The following CRB1 variants were observed in gnomAD, a reference collection of about 807,000 sequenced individuals.
The protein encoded by CRB1 is crumbs cell polarity complex component 1.
A neutral mutation model predicts 120.0 loss-of-function variants in CRB1; 83 were observed. The observed-to-expected ratio is 0.69, with a 90% CI of 0.58 to 0.83. The LOEUF is 0.83. CRB1 is among the 40% of genes least tolerant of loss of function. The pLI is 0.00. For synonymous variants in CRB1, 625 were observed against 612.5 expected (o/e 1.02, Z -0.30); for missense variants, 1,699 against 1,687.6 (o/e 1.01, Z -0.12).
chr1:197,434,839 A>G lies in CRB1; in HGVS notation c.2976A>G (p.Ala992=), dbSNP rs200379694. Residue 992 remains alanine (A), a synonymous_variant, in exon 9 of 12, where the codon GCA becomes GCG. Transcript: ENST00000367400. ...ATGCAAATGTAATAATATTGCATGC[A>G]GAAAAAGAGCCTGAATTTCTTAATA... ...TRDANVIILH[A]EKEPEFLNIS... 6.2e-4 allele frequency: 1,003 copies of G among 1,613,756 alleles called. 1 individual carries two copies. Among genetic ancestry groups the G allele is most frequent in the Non-Finnish European group, 8.1e-4 (961 of 1,179,816 alleles).
intron 5 of CRB1, chr1:197,357,811 A>G (rs886130168): frequency 1.3e-5 from 2 of 152,282 alleles, no homozygotes; most frequent in Admixed American, 6.5e-5. Context: ...TTCTCTTTCA[A>G]TGTTTCAGTT....
chr1:197,333,969 A>T (rs1373811311), intron 2 of CRB1, among the ~76,000 whole-genome samples: 2 of 152,256 alleles, frequency 1.3e-5, no homozygotes, highest in African/African-American at 4.8e-5. Context: ...CTGATATGAA[A>T]CAAATGCATT....
At chr1:197,413,658 A>C (rs903521147) in intron 5 of CRB1, among the ~76,000 whole-genome samples, 19 of 152,328 alleles carry the variant, frequency 1.2e-4, no homozygotes, top group Middle Eastern at 6.8e-3. Context: ...TGTTGTGATC[A>C]TAACATTCAC....
chr1:197,442,078 A>G (rs1391936935), intron 10 of CRB1, 88 bp from the exon 11 acceptor site: 1 of 1,524,618 alleles, frequency 6.6e-7, no homozygotes, highest in East Asian at 2.2e-5. Context: ...GTGCTGTTCC[A>G]GAGAGATAAG....
At chr1:197,317,616 C>T (rs984699456) in intron 1 of CRB1, among the ~76,000 whole-genome samples, 13 of 151,954 alleles carry the variant, frequency 8.6e-5, no homozygotes, top group African/African-American at 2.9e-4. Context: ...CTAGAGTAAC[C>T]AAAACAGCAT....
chr1:197,257,244 T>C, the CRB1 span, among the ~76,000 whole-genome samples: 1 of 152,134 alleles, frequency 6.6e-6, no homozygotes, highest in Non-Finnish European at 1.5e-5. Context: ...ATTGCCCTTC[T>C]TCCACCTTTT....
At chr1:197,433,471 A>C (rs1248834993) in intron 8 of CRB1, among the ~76,000 whole-genome samples, 1 of 152,156 alleles carries the variant, frequency 6.6e-6, no homozygotes, top group East Asian at 1.9e-4. Context: ...CATTGTAACC[A>C]TGAAAGTGGT....
the CRB1 span, among the ~76,000 whole-genome samples, chr1:197,219,950 C>A: frequency 6.6e-5 from 10 of 152,298 alleles, 1 homozygote; most frequent in Admixed American, 3.3e-4. Context: ...TTTAGGGAAG[C>A]TTTTGCTAAC....
intron 2 of CRB1, among the ~76,000 whole-genome samples, chr1:197,334,446 G>A (rs1345122937): frequency 6.6e-6 from 1 of 152,080 alleles, no homozygotes; most frequent in Non-Finnish European, 1.5e-5. Context: ...CCATGAGGAT[G>A]GAACCTTCAG....
upstream of CRB1, among the ~76,000 whole-genome samples, chr1:197,267,539 A>G (rs1321951924): frequency 6.6e-6 from 1 of 152,214 alleles, no homozygotes; most frequent in East Asian, 1.9e-4. Flanking sequence ...TAACAATGGA[A>G]AAAGGCTCTG....
chr1:197,442,590 A>G, intron 11 of CRB1: 2 of 1,346,514 alleles, frequency 1.5e-6, no homozygotes, highest in Non-Finnish European at 1.9e-6. Context: ...TGTATAAAAT[A>G]TTTTCCTATT....
chr1:197,250,896 A>C, the CRB1 span, among the ~76,000 whole-genome samples: 1 of 152,020 alleles, frequency 6.6e-6, no homozygotes. Flanking sequence ...GCTGCTTCTG[A>C]AAGTCATTAA....
At chr1:197,220,287 G>GT in the CRB1 span, among the ~76,000 whole-genome samples, 1 of 152,290 alleles carries the variant, frequency 6.6e-6, no homozygotes, top group Non-Finnish European at 1.5e-5. Context: ...TGAATAAAAA[G>GT]TAAGAACTAA....
chr1:197,388,104 A>T (rs945083972), intron 5 of CRB1, among the ~76,000 whole-genome samples: 4 of 151,982 alleles, frequency 2.6e-5, no homozygotes, highest in African/African-American at 9.7e-5. Context: ...GATTTGCTTT[A>T]TTATCCCCTA....
the CRB1 span, among the ~76,000 whole-genome samples, chr1:197,240,217 G>C: frequency 3.3e-5 from 5 of 151,838 alleles, no homozygotes; most frequent in African/African-American, 1.2e-4. Flanking sequence ...TTTGTGTTTA[G>C]AGAACTTTTT....
chr1:197,263,728 T>C (rs1025421134), upstream of CRB1, among the ~76,000 whole-genome samples: 9 of 152,074 alleles, frequency 5.9e-5, no homozygotes, highest in African/African-American at 2.2e-4. Context: ...ATTTTCCGTG[T>C]CTCTTTATTG....
At chr1:197,268,789 CT>C (rs1654744127) in intron 1 of CRB1, among the ~76,000 whole-genome samples, 1 of 152,076 alleles carries the variant, frequency 6.6e-6, no homozygotes, top group South Asian at 2.1e-4. Flanking sequence ...TGTGTTTACG[CT>C]TTTACAAAAT....
At chr1:197,321,018 A>C (rs1658158993) in intron 1 of CRB1, among the ~76,000 whole-genome samples, 1 of 152,222 alleles carries the variant, frequency 6.6e-6, no homozygotes, top group African/African-American at 2.4e-5. Flanking sequence ...GATTTCAAAC[A>C]GTACAAGCTA....
chr1:197,223,453 TTCCATAA>T, the CRB1 span, among the ~76,000 whole-genome samples: 1 of 152,130 alleles, frequency 6.6e-6, no homozygotes, highest in Non-Finnish European at 1.5e-5. Context: ...ACAGTGTAGA[TTCCATAA>T]TATACTGAAA....
Sources: gnomAD v4.1 joint callset for allele counts (sites outside exome capture counted in the v4.1 genomes callset) on GRCh38, gnomAD v4.1.1 for gene constraint, MANE v1.5 for transcripts, NCBI Gene and HGNC (gene_info 2026-07-23, HGNC 2026-07-21) for gene names.